Variants in OSBPL11 observed in about 807,000 individuals in gnomAD.
OSBPL11 encodes the protein oxysterol-binding protein-related protein 11.
OSBPL11 carries 33 observed loss-of-function variants against 84.4 expected under a neutral mutation model. That is an observed-to-expected ratio of 0.39 (90% CI 0.30 to 0.52). The LOEUF (loss-of-function observed/expected upper bound fraction) is 0.52. Ranked by LOEUF, OSBPL11 falls within the 20% of genes least tolerant of loss-of-function variation. The pLI, the probability that OSBPL11 is intolerant of heterozygous loss-of-function variation, is 0.72. For missense variants in OSBPL11, 736 were observed against 901.1 expected, an observed-to-expected ratio of 0.82 and a Z score of 2.35; for synonymous variants, 276 against 310.2, an observed-to-expected ratio of 0.89 and a Z score of 1.16.
At chr3:125,593,533 T>G (rs1479305646) in intron 1 of OSBPL11, among the ~76,000 whole-genome samples, 3 of 151,110 alleles carry the variant, frequency 2.0e-5, no homozygotes, top group African/African-American at 4.9e-5. Context: ...GACACGAGAA[T>G]CGCTTGAACC....
chr3:125,593,392 G>A (rs1460135123), intron 1 of OSBPL11, among the ~76,000 whole-genome samples: 1 of 152,114 alleles, frequency 6.6e-6, no homozygotes, highest in South Asian at 2.1e-4. Context: ...AGCAGAGGAG[G>A]GCTGATCACT....
chr3:125,545,301 TG>T (rs2107591677), intron 10 of OSBPL11, among the ~76,000 whole-genome samples: 1 of 152,344 alleles, frequency 6.6e-6, no homozygotes, highest in African/African-American at 2.4e-5. Context: ...CGTCAGACTT[TG>T]GGAAGTATGT....
Position 125,575,391 on chromosome 3 carries a change from G to GT in OSBPL11, c.666+797dup, listed in dbSNP as rs1936307152. On this transcript the variant is annotated intron_variant, in intron 5 of 12. Transcript: ENST00000296220. ...TCAGTTATATATATAAAAGTTTTTT[G>GT]TTTGTTTTGTTTTGTTTTAGAGACA... is the stretch of plus-strand genomic sequence containing the variant. Among the ~76,000 whole-genome samples the GT allele has an allele frequency of 2.6e-5, 4 of 151,734 alleles. No individual in the cohort carries two copies. In the South Asian group the frequency reaches 8.3e-4, roughly 31 times the overall value.
intron 4 of OSBPL11, among the ~76,000 whole-genome samples, chr3:125,578,661 C>A (rs772907207): frequency 3.9e-5 from 6 of 151,966 alleles, no homozygotes; most frequent in African/African-American, 9.7e-5. Context: ...GTCCCAGCTA[C>A]TTGGGAGGCT....
Position 125,552,201 on chromosome 3 carries a change from C to G in OSBPL11, c.1634G>C (p.Gly545Ala). Reference protein sequence around the residue: ...TKSKFLGMSIGVTMVGEGILS... With the variant: ...TKSKFLGMSIAVTMVGEGILS... ...CTTACCTTCTCCAACCATTGTCACG[C>G]CTATTGACATGCCTAAGAACTTGCT... Residue 545 changes from glycine (G) to alanine (A), a missense_variant, in exon 9 of 13, where the codon GGC becomes GCC. Gly to Ala is a moderately conservative substitution (Grantham distance 60). This residue lies in a region of OSBPL11 where 579 missense variants were observed against 717.6 expected (regional missense o/e 0.81). Transcript: ENST00000296220. 1 of 1,604,540 alleles carries G rather than the reference C, an allele frequency of 6.2e-7. No homozygotes were observed. The highest frequency in any genetic ancestry group is 8.5e-7 in the Non-Finnish European group (1 of 1,175,932).
chr3:125,591,305 C>G (rs1362445208), intron 1 of OSBPL11, among the ~76,000 whole-genome samples: 1 of 152,222 alleles, frequency 6.6e-6, no homozygotes, highest in Non-Finnish European at 1.5e-5. Context: ...TGCTGGTATT[C>G]TCACACCCTT....
intron 5 of OSBPL11, among the ~76,000 whole-genome samples, chr3:125,569,153 G>T (rs1530654): frequency 0.56 from 85,386 of 151,712 alleles, 25,616 homozygotes; most frequent in African/African-American, 0.79. Context: ...TTTTCCATGA[G>T]GCCCATGCTG....
chr3:125,561,318 CATTT>C (rs1936075614), intron 7 of OSBPL11, among the ~76,000 whole-genome samples: 1 of 152,146 alleles, frequency 6.6e-6, no homozygotes, highest in Admixed American at 6.5e-5. Context: ...TTTTTATACA[CATTT>C]ATAATCACAT....
Position 125,593,610 on chromosome 3 carries a change from ACT to A in OSBPL11, c.164+1025_164+1026del, listed in dbSNP as rs1402706565. On this transcript the variant is annotated intron_variant, in intron 1 of 12. Transcript: ENST00000296220. ...ACTCCAGCCTGGGTGACAGAGCCAG[ACT>A]CTGCCTCAAAAAAAAAAAAAAAATT... is the stretch of plus-strand genomic sequence containing the variant. Among the ~76,000 whole-genome samples, 3 of 149,738 alleles carry A rather than the reference ACT, an allele frequency of 2.0e-5. No individual in the cohort carries two copies. In the East Asian group the frequency reaches 5.9e-4, roughly 29 times the overall value.
In OSBPL11 at chr3:125,579,976, G is replaced by A; in HGVS notation, c.298C>T (p.Gln100Ter). ...EYFVNEQSRN[Q>*]KPRGTLQLAG... is the part of the protein sequence containing the mutation. Reference sequence around the variant, plus strand: ...AGCTGCAAAGTTCCTCTAGGTTTCTGATTTCTAGACTGTTCATTCACAAAG... The same window carrying A: ...AGCTGCAAAGTTCCTCTAGGTTTCTAATTTCTAGACTGTTCATTCACAAAG... Residue 100 changes from glutamine to a stop codon, truncating the protein, a stop_gained, in exon 3 of 13, where the codon CAG becomes TAG. Coordinates refer to ENST00000296220, the MANE Select transcript of OSBPL11 (RefSeq NM_022776.5). LOFTEE classifies it high-confidence loss of function. 1 of 1,614,140 alleles carries A rather than the reference G, an allele frequency of 6.2e-7. No homozygotes were observed. The highest frequency in any genetic ancestry group is 8.5e-7 in the Non-Finnish European group (1 of 1,180,000).
At chr3:125,576,660 C>T (rs1170581797) in intron 4 of OSBPL11, among the ~76,000 whole-genome samples, 1 of 151,902 alleles carries the variant, frequency 6.6e-6, no homozygotes, top group Non-Finnish European at 1.5e-5. Flanking sequence ...TTTCTAATTT[C>T]AGATTTTTTA....
chr3:125,531,300 T>G (rs1447761799), intron 12 of OSBPL11, among the ~76,000 whole-genome samples: 1 of 129,804 alleles, frequency 7.7e-6, no homozygotes, highest in Non-Finnish European at 1.8e-5. Context: ...TTTCTTTTTT[T>G]TTTTTTTGGA....
chr3:125,540,328 C>CAAAAAAAAAAAAAAAAAAAAAAAAAA (rs201858368), intron 10 of OSBPL11, among the ~76,000 whole-genome samples: 1 of 85,338 alleles, frequency 1.2e-5, no homozygotes, highest in Non-Finnish European at 2.1e-5. Flanking sequence ...GGCTCTGTCT[C>CAAAAAAAAAAAAAAAAAAAAAAAAAA]AAAAAAAAAA....
chr3:125,530,322 A>T lies in OSBPL11; in HGVS notation c.*193T>A, dbSNP rs953598042. The stretch of plus-strand genomic sequence containing the variant: ...GCTCACATCACATGAACAGGTTGGT[A>T]AAAGGTCCACTGTGTTTCTTTACCA... On this transcript the variant is annotated 3_prime_UTR_variant, in exon 13 of 13. Coordinates refer to ENST00000296220, the MANE Select transcript of OSBPL11 (RefSeq NM_022776.5). The T allele has an allele frequency of 1.7e-6, 1 of 599,840 alleles. No individual in the cohort carries two copies. The highest frequency in any genetic ancestry group is 1.9e-5 in the African/African-American group (1 of 53,808). 37.2% of individuals were successfully genotyped at this position (599,840 alleles called of 1,614,324 possible).
At chr3:125,567,623 T>C in intron 5 of OSBPL11, 28 bp from the exon 6 acceptor site, 1 of 1,566,652 alleles carries the variant, frequency 6.4e-7, no homozygotes, top group Non-Finnish European at 8.8e-7. Context: ...CTGTGGGTCC[T>C]ACTCATGATT....
At chr3:125,547,975 C>CGGAGTGATTCTCCG (rs1394561970) in intron 9 of OSBPL11, among the ~76,000 whole-genome samples, 1 of 152,046 alleles carries the variant, frequency 6.6e-6, no homozygotes, top group Admixed American at 6.6e-5. Flanking sequence ...ACTCCTGGGT[C>CGGAGTGATTCTCCG]GAATGATTCT....
chr3:125,545,269 C>T (rs577995579), intron 10 of OSBPL11, among the ~76,000 whole-genome samples: 47 of 152,268 alleles, frequency 3.1e-4, no homozygotes, highest in African/African-American at 9.6e-4. Context: ...TTGTCTATCT[C>T]GAAAAAGTGA....
chr3:125,563,940 C>G, intron 6 of OSBPL11, 97 bp from the exon 7 acceptor site: 1 of 1,410,772 alleles, frequency 7.1e-7, no homozygotes. Flanking sequence ...GCCTACAAGC[C>G]TAAAAGCAAT....
At chr3:125,555,234 T>C (rs2107596891) in intron 8 of OSBPL11, among the ~76,000 whole-genome samples, 1 of 152,286 alleles carries the variant, frequency 6.6e-6, no homozygotes, top group East Asian at 1.9e-4. Context: ...CTCTTGGACC[T>C]TCAACCACAG....
Sources: allele counts gnomAD v4.1 joint callset (sites outside exome capture counted in the v4.1 genomes callset), GRCh38; gene constraint gnomAD v4.1.1; regional missense constraint gnomAD v4.1.1; transcripts MANE v1.5; gene names NCBI Gene and HGNC (gene_info 2026-07-23, HGNC 2026-07-21).